VEPH1: variants seen among roughly 807,000 people sequenced by gnomAD.
VEPH1 encodes ventricular zone expressed PH domain containing 1.
A neutral mutation model predicts 85.2 loss-of-function variants in VEPH1; 80 were observed. The ratio of observed to expected loss-of-function variants is 0.94; its 90% confidence interval spans 0.78 to 1.13. VEPH1 has a LOEUF of 1.13. Among genes scored for constraint, VEPH1 ranks in the 50% most tolerant of loss-of-function variants. The pLI, the probability that VEPH1 is intolerant of heterozygous loss-of-function variation, is 0.00. For synonymous variants in VEPH1, 297 were observed against 348.0 expected, an observed-to-expected ratio of 0.85 and a Z score of 1.63; for missense variants, 955 against 980.5, an observed-to-expected ratio of 0.97 and a Z score of 0.35.
At chr3:157,332,596 A>G (rs13078493) in intron 9 of VEPH1, among the ~76,000 whole-genome samples, 9,942 of 152,262 alleles carry the variant, frequency 0.065, 381 homozygotes, top group South Asian at 0.1. Context: ...TGGCTAAATA[A>G]CATTCCATCA....
intron 13 of VEPH1, among the ~76,000 whole-genome samples, chr3:157,264,191 G>C (rs773322239): frequency 2.6e-5 from 4 of 152,158 alleles, no homozygotes; most frequent in Non-Finnish European, 5.9e-5. Flanking sequence ...CCTGCCTGTG[G>C]ATATCAGAGC....
At chr3:157,358,762 C>G (rs1217361834) in intron 9 of VEPH1, among the ~76,000 whole-genome samples, 1 of 152,128 alleles carries the variant, frequency 6.6e-6, no homozygotes, top group African/African-American at 2.4e-5. Context: ...CTTTGGGAGG[C>G]CGAGATGGGC....
At chr3:157,435,744 T>C (rs1733522601) in intron 4 of VEPH1, among the ~76,000 whole-genome samples, 1 of 152,232 alleles carries the variant, frequency 6.6e-6, no homozygotes, top group Non-Finnish European at 1.5e-5. Flanking sequence ...TGGGAGCTCA[T>C]CTGTACCTTT....
chr3:157,470,811 T>C (rs1181166230), intron 2 of VEPH1, among the ~76,000 whole-genome samples: 2 of 152,178 alleles, frequency 1.3e-5, no homozygotes, highest in Non-Finnish European at 2.9e-5. Flanking sequence ...GCAAGTGGGT[T>C]TAATCTTTAG....
At chr3:157,335,788 G>C (rs1722911690) in intron 9 of VEPH1, among the ~76,000 whole-genome samples, 1 of 152,136 alleles carries the variant, frequency 6.6e-6, no homozygotes, top group African/African-American at 2.4e-5. Flanking sequence ...TTGGCTCCGA[G>C]TTAGTGAAGC....
intron 6 of VEPH1, among the ~76,000 whole-genome samples, chr3:157,399,411 G>A (rs2108967000): frequency 6.6e-6 from 1 of 152,146 alleles, no homozygotes; most frequent in African/African-American, 2.4e-5. Flanking sequence ...TTTGTGACCT[G>A]AACCCAAATT....
Position 157,363,715 on chromosome 3 carries a change from AACCCAC to A in VEPH1, c.1378_1383del (p.Val460_Gly461del). On this transcript the variant is annotated inframe_deletion, in exon 9 of 14. Transcript: ENST00000362010. ...CTGTTTTCATCTTCGCCGTCATCTG[AACCCAC>A]ACCCTTTGTGAGCATAGTGTGGAAA... 2 of 1,614,134 alleles carry A rather than the reference AACCCAC, an allele frequency of 1.2e-6. No individual in the cohort carries two copies. Among genetic ancestry groups the A allele is most frequent in the Non-Finnish European group, 1.7e-6 (2 of 1,180,004 alleles).
At position 157,260,141 on chromosome 3, in the gene VEPH1, G is replaced by A. The variant is rs1712696985; in HGVS notation, c.*993C>T. The A allele has an allele frequency of 6.6e-6, 1 of 152,066 alleles. No homozygotes were observed. Among genetic ancestry groups the A allele is most frequent in the Admixed American group, 6.6e-5 (1 of 15,254 alleles). The allele number at this position is 152,066 out of a possible 1,614,324, so 9.4% of individuals were successfully genotyped here. ...TGTTATATAACATAACATAATATGG[G>A]AGAGATGATCCCATCACTTTTGCCA... On this transcript the variant is annotated 3_prime_UTR_variant, in exon 14 of 14. Coordinates refer to ENST00000362010, the MANE Select transcript of VEPH1 (RefSeq NM_001167912.2).
intron 9 of VEPH1, among the ~76,000 whole-genome samples, chr3:157,347,571 A>C (rs1299122829): frequency 6.6e-6 from 1 of 152,168 alleles, no homozygotes; most frequent in Non-Finnish European, 1.5e-5. Context: ...TGGAGTGTGG[A>C]AGGGAGAGCA....
chr3:157,284,172 T>G (rs1032960419), intron 12 of VEPH1, among the ~76,000 whole-genome samples: 3 of 152,242 alleles, frequency 2.0e-5, no homozygotes, highest in Admixed American at 6.5e-5. Context: ...CATTTTAACA[T>G]TCAAGGAATA....
intron 9 of VEPH1, among the ~76,000 whole-genome samples, chr3:157,362,059 C>T (rs1416197518): frequency 6.6e-6 from 1 of 151,586 alleles, no homozygotes; most frequent in Non-Finnish European, 1.5e-5. Context: ...GGGACAGAGT[C>T]CCACTCAATT....
intron 9 of VEPH1, among the ~76,000 whole-genome samples, chr3:157,347,215 T>G (rs1446008353): frequency 6.6e-6 from 1 of 151,760 alleles, no homozygotes; most frequent in Non-Finnish European, 1.5e-5. Context: ...AAAAAACCCA[T>G]GGTGTACCTG....
chr3:157,480,002 T>C (rs1737867511), intron 2 of VEPH1, among the ~76,000 whole-genome samples: 1 of 151,014 alleles, frequency 6.6e-6, no homozygotes, highest in Admixed American at 6.6e-5. Context: ...TCTCTCTTTC[T>C]TTCTTTTTCT....
At chr3:157,384,448 C>T (rs913678766) in intron 6 of VEPH1, among the ~76,000 whole-genome samples, 1 of 152,106 alleles carries the variant, frequency 6.6e-6, no homozygotes, top group Non-Finnish European at 1.5e-5. Flanking sequence ...TTTTAAAAAC[C>T]GTTTCACAAA....
At chr3:157,369,192 A>AAAAAAAAAAAAACAAAC (rs1553773119) in intron 7 of VEPH1, among the ~76,000 whole-genome samples, 1 of 142,700 alleles carries the variant, frequency 7.0e-6, no homozygotes, top group South Asian at 2.4e-4. Flanking sequence ...AAAAAAAAAA[A>AAAAAAAAAAAAACAAAC]AAAAAAAAAA....
At chr3:157,275,681 C>T (rs999086035) in intron 12 of VEPH1, among the ~76,000 whole-genome samples, 33 of 152,080 alleles carry the variant, frequency 2.2e-4, no homozygotes, top group African/African-American at 7.5e-4. Context: ...TAAATTAACT[C>T]CAAATTCTTA....
chr3:157,479,228 T>C (rs75735624), intron 2 of VEPH1, among the ~76,000 whole-genome samples: 5 of 152,170 alleles, frequency 3.3e-5, no homozygotes, highest in Non-Finnish European at 2.9e-5. Context: ...GAGCAACTTC[T>C]AAGGACCAAA....
intron 11 of VEPH1, among the ~76,000 whole-genome samples, chr3:157,290,575 T>C (rs1261383641): frequency 6.6e-6 from 1 of 152,090 alleles, no homozygotes; most frequent in African/African-American, 2.4e-5. Context: ...AGTCACATTC[T>C]CCCAAGTACA....
intron 4 of VEPH1, among the ~76,000 whole-genome samples, chr3:157,449,007 A>G (rs1840671): frequency 0.41 from 63,036 of 151,928 alleles, 13,321 homozygotes; most frequent in South Asian, 0.52. Context: ...CTCTCTTGCC[A>G]CCACCATGTA....
Sources: gnomAD v4.1 joint callset for allele counts (sites outside exome capture counted in the v4.1 genomes callset) on GRCh38, gnomAD v4.1.1 for gene constraint, MANE v1.5 for transcripts, NCBI Gene and HGNC (gene_info 2026-07-23, HGNC 2026-07-21) for gene names.